The following EVI5 variants were observed in gnomAD, a reference collection of about 807,000 sequenced individuals.
The protein encoded by EVI5 is ecotropic viral integration site 5.
Under a neutral mutation model 112.0 loss-of-function variants are expected in EVI5, and 73 were observed. The ratio of observed to expected loss-of-function variants is 0.65; its 90% confidence interval spans 0.54 to 0.79. The LOEUF (loss-of-function observed/expected upper bound fraction) is 0.79. Among genes scored for constraint, EVI5 ranks in the 30% least tolerant of loss-of-function variants. The pLI is 0.00. For missense variants in EVI5, 900 were observed against 968.8 expected (o/e 0.93, Z 0.94); for synonymous variants, 305 against 319.9 (o/e 0.95, Z 0.50).
intron 18 of EVI5, among the ~76,000 whole-genome samples, chr1:92,571,502 T>C (rs1453625266): frequency 6.6e-6 from 1 of 152,150 alleles, no homozygotes; most frequent in Non-Finnish European, 1.5e-5. Context: ...CAAAAGTCTG[T>C]GATTTTTATG....
At chr1:92,721,672 AT>A (rs1674776995) in intron 2 of EVI5, among the ~76,000 whole-genome samples, 1 of 152,166 alleles carries the variant, frequency 6.6e-6, no homozygotes, top group Admixed American at 6.6e-5. Context: ...AACTTAAAGT[AT>A]AACAATAATT....
At chr1:92,713,218 C>T (rs1419223444) in intron 2 of EVI5, among the ~76,000 whole-genome samples, 1 of 151,876 alleles carries the variant, frequency 6.6e-6, no homozygotes, top group Non-Finnish European at 1.5e-5. Context: ...ACATATTTTA[C>T]TCTTACAGCA....
At chr1:92,561,098 T>C (rs1038040147) in intron 19 of EVI5, among the ~76,000 whole-genome samples, 3 of 152,150 alleles carry the variant, frequency 2.0e-5, no homozygotes, top group African/African-American at 7.2e-5. Context: ...CCAGGTTTTC[T>C]TTTGCGTTGG....
intron 14 of EVI5, among the ~76,000 whole-genome samples, chr1:92,626,170 T>C (rs1409663315): frequency 2.6e-5 from 4 of 152,174 alleles, no homozygotes; most frequent in Non-Finnish European, 4.4e-5. Flanking sequence ...ATTTTTATCA[T>C]GCAAAAAAGA....
chr1:92,585,221 T>TAAA (rs143919420), intron 18 of EVI5, among the ~76,000 whole-genome samples: 1 of 126,816 alleles, frequency 7.9e-6, no homozygotes, highest in Non-Finnish European at 1.7e-5. Flanking sequence ...AGACTCCATC[T>TAAA]CAAAAAAAAA....
At chr1:92,540,039 C>T (rs1664547230) in intron 19 of EVI5, among the ~76,000 whole-genome samples, 1 of 152,104 alleles carries the variant, frequency 6.6e-6, no homozygotes, top group African/African-American at 2.4e-5. Context: ...CCTTTTATTG[C>T]CTCATAATTG....
At chr1:92,662,046 T>C (rs1230164347) in intron 13 of EVI5, among the ~76,000 whole-genome samples, 1 of 152,204 alleles carries the variant, frequency 6.6e-6, no homozygotes, top group Non-Finnish European at 1.5e-5. Flanking sequence ...CTGCAAAAGA[T>C]ACCTGAGGCT....
chr1:92,602,503 G>A (rs958955204), intron 18 of EVI5, among the ~76,000 whole-genome samples: 2 of 152,072 alleles, frequency 1.3e-5, no homozygotes, highest in Non-Finnish European at 2.9e-5. Context: ...CTGGCCTCAA[G>A]GGATCATTCC....
chr1:92,560,785 G>C (rs768784299), intron 19 of EVI5, among the ~76,000 whole-genome samples: 1 of 151,592 alleles, frequency 6.6e-6, no homozygotes, highest in African/African-American at 2.4e-5. Context: ...GGCTGGTCTC[G>C]AACTCCTGGG....
chr1:92,672,368 T>C (rs926378228), intron 10 of EVI5, among the ~76,000 whole-genome samples: 1 of 152,138 alleles, frequency 6.6e-6, no homozygotes, highest in African/African-American at 2.4e-5. Context: ...TGCTGTCCCA[T>C]CCACAATGCC....
intron 19 of EVI5, among the ~76,000 whole-genome samples, chr1:92,555,746 A>T (rs988584552): frequency 6.6e-6 from 1 of 150,632 alleles, no homozygotes; most frequent in Non-Finnish European, 1.5e-5. Context: ...GCTACTTAGG[A>T]GGCTGAGGCA....
chr1:92,769,712 C>T (rs1022548131), intron 1 of EVI5, among the ~76,000 whole-genome samples: 1 of 151,984 alleles, frequency 6.6e-6, no homozygotes, highest in African/African-American at 2.4e-5. Context: ...GAAACCTCGT[C>T]TCTACTAAAA....
chr1:92,700,722 A>T (rs1671015595), intron 5 of EVI5: 1 of 152,182 alleles, frequency 6.6e-6, no homozygotes, highest in Non-Finnish European at 1.5e-5. Flanking sequence ...GATGCCCAAG[A>T]GAAATGACTA....
At chr1:92,624,784 G>A (rs1250842834) in intron 15 of EVI5, among the ~76,000 whole-genome samples, 1 of 151,600 alleles carries the variant, frequency 6.6e-6, no homozygotes, top group Non-Finnish European at 1.5e-5. Flanking sequence ...TCACTGCCTA[G>A]GGTCACCATA....
intron 18 of EVI5, among the ~76,000 whole-genome samples, chr1:92,605,073 A>ATATG (rs1650061945): frequency 6.6e-6 from 1 of 152,128 alleles, no homozygotes; most frequent in Non-Finnish European, 1.5e-5. Flanking sequence ...AAAGTTCTGG[A>ATATG]TATGGATGGT....
At chr1:92,614,769 C>CAT (rs56763837) in intron 16 of EVI5, among the ~76,000 whole-genome samples, 15,070 of 144,976 alleles carry the variant, frequency 0.1, 2,285 homozygotes, top group African/African-American at 0.33. Context: ...TTAATAAACT[C>CAT]ATATATATAT....
At chr1:92,592,835 T>G (rs1674214736) in intron 18 of EVI5, among the ~76,000 whole-genome samples, 2 of 152,146 alleles carry the variant, frequency 1.3e-5, no homozygotes, top group African/African-American at 4.8e-5. Flanking sequence ...ATGGATAAAT[T>G]CCTCGACACA....
chr1:92,604,769 CAT>C (rs1182691674), intron 18 of EVI5, among the ~76,000 whole-genome samples: 5 of 152,188 alleles, frequency 3.3e-5, no homozygotes, highest in Non-Finnish European at 7.3e-5. Flanking sequence ...ATCACAAACA[CAT>C]GAGTAATGTG....
chr1:92,613,784 TCTCA>T (rs1652428967), intron 16 of EVI5, among the ~76,000 whole-genome samples: 1 of 152,066 alleles, frequency 6.6e-6, no homozygotes, highest in South Asian at 2.1e-4. Flanking sequence ...CAAGACAGGG[TCTCA>T]CTATGTTGCC....
Sources: allele counts gnomAD v4.1 joint callset (sites outside exome capture counted in the v4.1 genomes callset), GRCh38; gene constraint gnomAD v4.1.1; transcripts MANE v1.5; gene names NCBI Gene and HGNC (gene_info 2026-07-23, HGNC 2026-07-21).